AGAP3: variants seen among roughly 807,000 people sequenced by gnomAD.
AGAP3 encodes arf-GAP with GTPase, ANK repeat and PH domain-containing protein 3.
In AGAP3, 24 loss-of-function variants were observed where a neutral mutation model predicts 96.9. The observed-to-expected ratio is 0.25, with a 90% CI of 0.18 to 0.35. The LOEUF is 0.35. Among genes scored for constraint, AGAP3 ranks in the 10% least tolerant of loss-of-function variants. The probability of loss-of-function intolerance (pLI) is 1.00; values close to 1 mark genes in which losing one functional copy is unlikely to be tolerated. For synonymous variants in AGAP3, 563 were observed against 536.1 expected (o/e 1.05, Z -0.69); for missense variants, 876 against 1,254.2 (o/e 0.70, Z 4.55).
chr7:151,113,345 G>A (rs1448089701), intron 1 of AGAP3, among the ~76,000 whole-genome samples: 4 of 152,184 alleles, frequency 2.6e-5, no homozygotes, highest in Non-Finnish European at 5.9e-5. Context: ...CTAGTCCCAC[G>A]GAAATACAAA....
At chr7:151,095,356 T>A (rs1251040624) in intron 1 of AGAP3, among the ~76,000 whole-genome samples, 2 of 152,210 alleles carry the variant, frequency 1.3e-5, no homozygotes, top group East Asian at 3.9e-4. Context: ...TAGCCCCAGA[T>A]GGCTGTACCT....
At chr7:151,115,264 A>C in intron 1 of AGAP3, 6 of 1,001,282 alleles carry the variant, frequency 6.0e-6, no homozygotes, top group Non-Finnish European at 7.1e-6. Flanking sequence ...TGGAGCAGCC[A>C]GCGCTGGCCA....
rs1799417748 is a variant in AGAP3 at position 151,114,037 on chromosome 7, A to T, written c.332-2756A>T. 6.6e-6 allele frequency among the ~76,000 whole-genome samples: 1 copy of T among 152,220 alleles called. No homozygotes were observed. The highest frequency in any genetic ancestry group is 6.5e-5 in the Admixed American group (1 of 15,278). On this transcript the variant is annotated intron_variant, in intron 1 of 17. Transcript: ENST00000397238. This position sits in a 1 kb window ranked among gnomAD's most constrained non-coding sequence, Gnocchi z 4.4. ...CTCACCCAGAACTGCAGCGGAGGTT[A>T]TCTTTGACTTCTCTGCTGCCCTTAG...
Position 151,143,142 on chromosome 7 carries a change from C to T in AGAP3, c.2274-199C>T, listed in dbSNP as rs190096408. ...CCTTCCTTTCAGCTTCTCCCACCCC[C>T]CTTTCCATTACCCACTGCCCCTCTG... is the stretch of plus-strand genomic sequence containing the variant. On this transcript the variant is annotated intron_variant, in intron 16 of 17. Coordinates refer to ENST00000397238, the MANE Select transcript of AGAP3 (RefSeq NM_031946.7). This position sits in a 1 kb window ranked among gnomAD's most constrained non-coding sequence, Gnocchi z 5.9. 3.3e-5 allele frequency among the ~76,000 whole-genome samples: 5 copies of T among 152,372 alleles called. No individual in the cohort carries two copies. Among genetic ancestry groups the T allele is most frequent in the East Asian group, 3.9e-4 (2 of 5,190 alleles).
Position 151,123,805 on chromosome 7 carries a change from T to A in AGAP3, c.1140T>A (p.Gly380=). The A allele has an allele frequency of 6.2e-7, 1 of 1,613,032 alleles. No individual in the cohort carries two copies. Among genetic ancestry groups the A allele is most frequent in the Non-Finnish European group, 8.5e-7 (1 of 1,179,912 alleles). ...GTTTTCTCTTCCAGTCTCGGAAGGG[T>A]GCTGACCTGGACCGGGAGAAGAAGG... The part of the protein sequence containing the change: ...RRSNIFTSRK[G]ADLDREKKAA... The change falls in exon 9 of 18, where the codon GGT becomes GGA. Residue 380 remains glycine, a synonymous_variant. Coordinates refer to ENST00000397238, the MANE Select transcript of AGAP3 (RefSeq NM_031946.7).
At chr7:151,092,978 C>T (rs1798456737) in intron 1 of AGAP3, among the ~76,000 whole-genome samples, 3 of 152,076 alleles carry the variant, frequency 2.0e-5, no homozygotes, top group South Asian at 2.1e-4. Flanking sequence ...TCTTCTGCTC[C>T]CCACTATAAT....
intron 1 of AGAP3, among the ~76,000 whole-genome samples, chr7:151,100,227 G>A (rs1377233926): frequency 6.6e-6 from 1 of 152,196 alleles, no homozygotes; most frequent in African/African-American, 2.4e-5. Flanking sequence ...GTGCTGTTTT[G>A]GAGGGAGATG....
At chr7:151,098,733 C>CTTTTTTTTTTT (rs34617813) in intron 1 of AGAP3, among the ~76,000 whole-genome samples, 2 of 116,116 alleles carry the variant, frequency 1.7e-5, no homozygotes, top group South Asian at 2.8e-4. Context: ...ATTTTCTTTT[C>CTTTTTTTTTTT]TTTTTTTTTT....
intron 10 of AGAP3, among the ~76,000 whole-genome samples, chr7:151,129,391 G>T (rs1400724365): frequency 6.6e-6 from 1 of 152,108 alleles, no homozygotes; most frequent in Admixed American, 6.5e-5. Flanking sequence ...TCCGCCCAAG[G>T]TGTCAGGAAG....
rs1799676241 is a variant in AGAP3 at position 151,117,948 on chromosome 7, C to G, written c.706+171C>G. The G allele has an allele frequency of 3.3e-5, 33 of 1,010,918 alleles. No individual in the cohort carries two copies. The South Asian group carries it at 5.6e-4, about 17-fold the overall frequency. The allele number at this position is 1,010,918 out of a possible 1,614,324, so 62.6% of individuals were successfully genotyped here. A position where few individuals can be genotyped will look rare whatever the true frequency, so the allele number is the denominator to read the frequency against. On this transcript the variant is annotated intron_variant, in intron 5 of 17. Transcript: ENST00000397238. ...GCTCGTGTCTGAGGGCTTTTGCCCC[C>G]ACTGAAACCTGCTGTCCCTGTGACT...
In AGAP3 at chr7:151,143,527, G is replaced by C; in HGVS notation, c.2460G>C (p.Gly820=). The change falls in exon 17 of 18, where the codon GGG becomes GGC. Residue 820 remains glycine, a synonymous_variant. Transcript: ENST00000397238. This position sits in a 1 kb window ranked among gnomAD's most constrained non-coding sequence, Gnocchi z 5.9. ...KEEVNETYGD[G]DGRTALHLSS... is the part of the protein sequence containing the mutation. ...AGGTGAATGAGACCTATGGGGACGG[G>C]GACGGGCGGACGGCTCTACATCTCT... 6.2e-7 allele frequency: 1 copy of C among 1,614,088 alleles called. No individual in the cohort carries two copies. The highest frequency in any genetic ancestry group is 8.5e-7 in the Non-Finnish European group (1 of 1,179,968).
At chr7:151,094,914 A>G (rs1221869934) in intron 1 of AGAP3, among the ~76,000 whole-genome samples, 1 of 146,114 alleles carries the variant, frequency 6.8e-6, no homozygotes, top group Non-Finnish European at 1.5e-5. Context: ...TTGGTCTGTC[A>G]CCCAGACTGG....
At chr7:151,116,938 T>G in intron 2 of AGAP3, 87 bp downstream of exon 2, 1 of 1,562,592 alleles carries the variant, frequency 6.4e-7, no homozygotes, top group Non-Finnish European at 8.8e-7. Context: ...CTTCTCCGGC[T>G]TCTGTCCCCT....
At chr7:151,129,959 C>G (rs905593620) in intron 10 of AGAP3, among the ~76,000 whole-genome samples, 2 of 152,200 alleles carry the variant, frequency 1.3e-5, no homozygotes, top group African/African-American at 4.8e-5. Context: ...ACAGGAAGTC[C>G]CAGGTAGGAG....
At chr7:151,120,845 G>A in intron 8 of AGAP3, 1 of 1,155,042 alleles carries the variant, frequency 8.7e-7, no homozygotes, top group African/African-American at 1.6e-5. Flanking sequence ...GTGGCCTCTG[G>A]CTCTCAGGCC....
At position 151,128,603 on chromosome 7, in the gene AGAP3, C is replaced by T; in HGVS notation, c.1245C>T (p.Gly415=). 1.2e-6 allele frequency: 2 copies of T among 1,613,776 alleles called. No individual in the cohort carries two copies. The highest frequency in any genetic ancestry group is 1.1e-5 in the South Asian group (1 of 91,076). ...AGGGGATCCTGCTAAAGCGGAGCGG[C>T]AAGTCCCTGAACAAGGAGTGGAAGA... ...IKQGILLKRS[G]KSLNKEWKKK... is the part of the protein sequence containing the mutation. Residue 415 remains glycine (G), a synonymous_variant, in exon 10 of 18, where the codon GGC becomes GGT. Transcript: ENST00000397238.
In AGAP3 at chr7:151,138,154, T is replaced by TCGGC; in HGVS notation, c.1509_1512dup (p.Ser505GlyfsTer9). ...CTTCCCGCCCCCAGGTGCCCCCCAC[T>TCGGC]CGGCCAGCAGCGCATCCCTGCACTC... On this transcript the variant is annotated frameshift_variant, in exon 12 of 18. Coordinates refer to ENST00000397238, the MANE Select transcript of AGAP3 (RefSeq NM_031946.7). LOFTEE classifies it high-confidence loss of function. The TCGGC allele has an allele frequency of 6.3e-7, 1 of 1,594,766 alleles. No homozygotes were observed. Among genetic ancestry groups the TCGGC allele is most frequent in the Non-Finnish European group, 8.5e-7 (1 of 1,171,066 alleles).
chr7:151,105,695 G>A (rs1208762236), intron 1 of AGAP3, among the ~76,000 whole-genome samples: 2 of 150,948 alleles, frequency 1.3e-5, no homozygotes, highest in African/African-American at 4.9e-5. Flanking sequence ...GAGCCCGGGA[G>A]GGGAGAGGCT....
At chr7:151,123,673 G>GCCCGA in intron 8 of AGAP3, 121 bp from the exon 9 acceptor site, 1 of 1,553,412 alleles carries the variant, frequency 6.4e-7, no homozygotes, top group Non-Finnish European at 8.7e-7. Context: ...CGCCGCCCCG[G>GCCCGA]CCCGACCCAC....
Sources: allele counts gnomAD v4.1 joint callset (sites outside exome capture counted in the v4.1 genomes callset), GRCh38; gene constraint gnomAD v4.1.1; non-coding constraint Gnocchi (gnomAD v3.1); transcripts MANE v1.5; gene names NCBI Gene and HGNC (gene_info 2026-07-23, HGNC 2026-07-21).